The following LRFN5 variants were observed in gnomAD, a reference collection of about 807,000 sequenced individuals.
The protein encoded by LRFN5 is leucine rich repeat and fibronectin type III domain containing 5.
Under a neutral mutation model 45.6 loss-of-function variants are expected in LRFN5, and 24 were observed. The ratio of observed to expected loss-of-function variants is 0.53; its 90% CI spans 0.38 to 0.74. LRFN5 has a LOEUF of 0.74. LRFN5 is among the 30% of genes least tolerant of loss of function. The pLI, the probability that LRFN5 is intolerant of heterozygous loss-of-function variation, is 0.00. For missense variants in LRFN5, 776 were observed against 861.5 expected, an observed-to-expected ratio of 0.90 and a Z score of 1.24; for synonymous variants, 340 against 313.8, an observed-to-expected ratio of 1.08 and a Z score of -0.88.
intron 2 of LRFN5, among the ~76,000 whole-genome samples, chr14:41,837,653 AG>A (rs531028813): frequency 1.8e-3 from 277 of 152,248 alleles, no homozygotes; most frequent in African/African-American, 6.3e-3. Flanking sequence ...CAAGGGGAAA[AG>A]GGATCATTTT....
chr14:41,753,107 T>C (rs1180741320), intron 1 of LRFN5, among the ~76,000 whole-genome samples: 5 of 152,130 alleles, frequency 3.3e-5, no homozygotes, highest in Non-Finnish European at 7.4e-5. Flanking sequence ...AGGGCTCTGT[T>C]CTGTTCCATT....
chr14:41,724,546 A>C (rs1432420449), intron 1 of LRFN5, among the ~76,000 whole-genome samples: 1 of 152,206 alleles, frequency 6.6e-6, no homozygotes, highest in Non-Finnish European at 1.5e-5. Flanking sequence ...TCATAAGCTC[A>C]TATGAATGAA....
At chr14:41,757,533 C>T (rs1007660767) in intron 1 of LRFN5, among the ~76,000 whole-genome samples, 13 of 152,010 alleles carry the variant, frequency 8.6e-5, no homozygotes, top group South Asian at 4.2e-4. Context: ...AGTGAGGCTC[C>T]GTGGGCGTAG....
In LRFN5 at chr14:41,886,775, C is replaced by T; in HGVS notation, c.150C>T (p.Asp50=). 1 of 1,614,092 alleles carries T rather than the reference C, an allele frequency of 6.2e-7. No homozygotes were observed. Among genetic ancestry groups the T allele is most frequent in the Non-Finnish European group, 8.5e-7 (1 of 1,180,022 alleles). The change falls in exon 3 of 6, where the codon GAC becomes GAT. Residue 50 remains aspartate (D), a synonymous_variant. Coordinates refer to ENST00000298119, the MANE Select transcript of LRFN5 (RefSeq NM_152447.5). Reference sequence around the variant, plus strand: ...TTTTATTTGTTCCACCAAACATTGACAGAAGAACTGTGGAACTGCGGTTGG... The same window carrying T: ...TTTTATTTGTTCCACCAAACATTGATAGAAGAACTGTGGAACTGCGGTTGG... ...KGLLFVPPNI[D]RRTVELRLAD... is the part of the protein sequence containing the mutation.
chr14:41,814,672 C>T (rs1887854947), intron 2 of LRFN5, among the ~76,000 whole-genome samples: 1 of 152,148 alleles, frequency 6.6e-6, no homozygotes, highest in Non-Finnish European at 1.5e-5. Flanking sequence ...CTTCTAATTA[C>T]TGCTCCCCCC....
At chr14:41,850,610 G>T (rs1889232135) in intron 2 of LRFN5, among the ~76,000 whole-genome samples, 2 of 151,700 alleles carry the variant, frequency 1.3e-5, no homozygotes, top group Admixed American at 6.6e-5. Flanking sequence ...ACATTAAAAA[G>T]AATAACAGTT....
rs528812251 is a variant in LRFN5, at chr14:41,746,455, G to C, written c.-196-20399G>C. ...TGTGAACATGGCAAGAATCCACTTT[G>C]CCGCTTTTACTCAATGGAGTGGTAG... On this transcript the variant is annotated intron_variant, in intron 1 of 5. Coordinates refer to ENST00000298119, the MANE Select transcript of LRFN5 (RefSeq NM_152447.5). Among the ~76,000 whole-genome samples, 3 of 152,108 alleles carry C rather than the reference G, an allele frequency of 2.0e-5. No homozygotes were observed. The South Asian group carries it at 6.2e-4, about 32-fold the overall frequency.
At chr14:41,875,530 A>C (rs758161501) in intron 2 of LRFN5, among the ~76,000 whole-genome samples, 36 of 152,260 alleles carry the variant, frequency 2.4e-4, no homozygotes, top group Non-Finnish European at 3.8e-4. Context: ...TGACAACTCA[A>C]GCTATACCAA....
intron 1 of LRFN5, among the ~76,000 whole-genome samples, chr14:41,627,564 G>A (rs376698080): frequency 2.0e-5 from 3 of 152,042 alleles, no homozygotes; most frequent in South Asian, 2.1e-4. Flanking sequence ...TCTCATTGAC[G>A]TCATGAAATC....
At chr14:41,653,753 G>A (rs908032187) in intron 1 of LRFN5, among the ~76,000 whole-genome samples, 4 of 152,068 alleles carry the variant, frequency 2.6e-5, no homozygotes, top group African/African-American at 7.2e-5. Flanking sequence ...CACTGAAATT[G>A]CTTCTATAGT....
At chr14:41,867,948 G>A in intron 2 of LRFN5, among the ~76,000 whole-genome samples, 1 of 151,840 alleles carries the variant, frequency 6.6e-6, no homozygotes, top group South Asian at 2.1e-4. Flanking sequence ...GAAAGTGTAG[G>A]ACAGATCTCC....
chr14:41,733,443 T>G (rs557696061), intron 1 of LRFN5: 8 of 152,134 alleles, frequency 5.3e-5, no homozygotes, highest in Admixed American at 1.3e-4. Flanking sequence ...CCAAGACTCC[T>G]GTATTTAACA....
chr14:41,765,260 TG>T (rs1885834053), intron 1 of LRFN5, among the ~76,000 whole-genome samples: 1 of 148,950 alleles, frequency 6.7e-6, no homozygotes, highest in African/African-American at 2.5e-5. Context: ...GAGAATGGCG[TG>T]AACCCGGGAG....
intron 2 of LRFN5, among the ~76,000 whole-genome samples, chr14:41,858,455 C>T (rs1012142190): frequency 4.6e-5 from 7 of 152,090 alleles, no homozygotes; most frequent in African/African-American, 1.7e-4. Context: ...GGATTATGTT[C>T]TCAATGTCTC....
At position 41,731,261 on chromosome 14, in the gene LRFN5, G is replaced by A. The variant is rs1277779753; in HGVS notation, c.-196-35593G>A. ...ATATTTTCAGATCATATGAATTTAC[G>A]GGATCTTTTTTTCACATACAGTATC... On this transcript the variant is annotated intron_variant, in intron 1 of 5. Transcript: ENST00000298119. The A allele has an allele frequency of 6.6e-5, 10 of 150,772 alleles. 1 individual carries two copies. In the East Asian group the frequency reaches 9.7e-4, roughly 15 times the overall value. The allele number at this position is 150,772 out of a possible 1,614,324, so 9.3% of individuals were successfully genotyped here.
chr14:41,764,466 T>C (rs1267193429), intron 1 of LRFN5, among the ~76,000 whole-genome samples: 1 of 152,150 alleles, frequency 6.6e-6, no homozygotes, highest in Non-Finnish European at 1.5e-5. Flanking sequence ...TGTGACCATA[T>C]AGACAATAAA....
intron 2 of LRFN5, among the ~76,000 whole-genome samples, chr14:41,848,627 T>C (rs1889153624): frequency 6.6e-6 from 1 of 152,046 alleles, no homozygotes; most frequent in Non-Finnish European, 1.5e-5. Flanking sequence ...AGAAACACTA[T>C]GAATTGGGAA....
intron 1 of LRFN5, among the ~76,000 whole-genome samples, chr14:41,718,995 A>G (rs1039797953): frequency 6.6e-6 from 1 of 152,180 alleles, no homozygotes; most frequent in Non-Finnish European, 1.5e-5. Flanking sequence ...CCACAGAAGG[A>G]GGCAGCATTA....
At chr14:41,678,756 T>G (rs769218604) in intron 1 of LRFN5, among the ~76,000 whole-genome samples, 1 of 152,118 alleles carries the variant, frequency 6.6e-6, no homozygotes, top group Non-Finnish European at 1.5e-5. Context: ...TGAGCTACTA[T>G]CCACACAAGA....
Sources: allele counts gnomAD v4.1 joint callset (sites outside exome capture counted in the v4.1 genomes callset), GRCh38; gene constraint gnomAD v4.1.1; transcripts MANE v1.5; gene names NCBI Gene and HGNC (gene_info 2026-07-23, HGNC 2026-07-21).